ADAMTS16: variants seen among roughly 807,000 people sequenced by gnomAD.
The protein encoded by ADAMTS16 is ADAM metallopeptidase with thrombospondin type 1 motif 16.
Under a neutral mutation model 145.8 loss-of-function variants are expected in ADAMTS16, and 94 were observed. That is an observed-to-expected ratio of 0.64 (90% confidence interval 0.55 to 0.77). The LOEUF is 0.77. Ranked by LOEUF, ADAMTS16 falls within the 30% of genes least tolerant of loss-of-function variation. The pLI, the probability that ADAMTS16 is intolerant of heterozygous loss-of-function variation, is 0.00. For missense variants in ADAMTS16, 1,585 were observed against 1,591.5 expected (o/e 1.00, Z 0.07); for synonymous variants, 659 against 604.3 (o/e 1.09, Z -1.33).
intron 6 of ADAMTS16, among the ~76,000 whole-genome samples, chr5:5,188,755 G>A (rs1735578792): frequency 6.6e-6 from 1 of 152,190 alleles, no homozygotes; most frequent in South Asian, 2.1e-4. Flanking sequence ...GGGGGCATGT[G>A]TGGACAGGGC....
rs531409298 is a variant in ADAMTS16, at chr5:5,304,074, G to C, written c.3186+308G>C. ...TAGGGGTTCACTCATCTCACTGACAGCGGGGCCCTGGAGACTCACCTAACT... is the reference window on the plus strand; with the variant it reads ...TAGGGGTTCACTCATCTCACTGACACCGGGGCCCTGGAGACTCACCTAACT... On this transcript the variant is annotated intron_variant, in intron 20 of 22. Transcript: ENST00000274181. 1.2e-4 allele frequency among the ~76,000 whole-genome samples: 18 copies of C among 152,280 alleles called. No individual in the cohort carries two copies. The South Asian group carries it at 3.7e-3, about 32-fold the overall frequency.
chr5:5,247,699 T>C (rs1428477149), intron 17 of ADAMTS16, among the ~76,000 whole-genome samples: 1 of 152,192 alleles, frequency 6.6e-6, no homozygotes, highest in Admixed American at 6.5e-5. Context: ...CGTCTGCAAA[T>C]TTGGAGCCCT....
chr5:5,258,076 C>T (rs1033024108), intron 17 of ADAMTS16, among the ~76,000 whole-genome samples: 6 of 152,116 alleles, frequency 3.9e-5, no homozygotes, highest in Non-Finnish European at 4.4e-5. Flanking sequence ...GGATGTGCAC[C>T]CCCACCATGT....
chr5:5,163,509 T>C (rs1734792525), intron 3 of ADAMTS16, among the ~76,000 whole-genome samples: 2 of 152,204 alleles, frequency 1.3e-5, no homozygotes, highest in Non-Finnish European at 2.9e-5. Context: ...TGGTCAAATT[T>C]GGTAGCCACA....
chr5:5,159,884 A>G (rs1399102506), intron 3 of ADAMTS16, among the ~76,000 whole-genome samples: 1 of 152,250 alleles, frequency 6.6e-6, no homozygotes, highest in East Asian at 1.9e-4. Flanking sequence ...AGTGCCCAGA[A>G]TAACCAGCAT....
chr5:5,187,721 T>C lies in ADAMTS16; in HGVS notation c.964-4T>C. 13 of 1,606,374 alleles carry C rather than the reference T, an allele frequency of 8.1e-6. No individual in the cohort carries two copies. The highest frequency in any genetic ancestry group is 1.1e-5 in the Non-Finnish European group (13 of 1,173,498). On this transcript the variant is annotated splice_region_variant and splice_polypyrimidine_tract_variant and intron_variant, in intron 5 of 22. Coordinates refer to ENST00000274181, the MANE Select transcript of ADAMTS16 (RefSeq NM_139056.4). ...GGCTGACATGGATTTCCTGTCTTTTTCAGGTATCTGCTTTATTCAAAGATG... is the reference window on the plus strand; with the variant it reads ...GGCTGACATGGATTTCCTGTCTTTTCCAGGTATCTGCTTTATTCAAAGATG...
intron 2 of ADAMTS16, among the ~76,000 whole-genome samples, chr5:5,144,146 C>T (rs1002417962): frequency 6.6e-6 from 1 of 152,018 alleles, no homozygotes; most frequent in Non-Finnish European, 1.5e-5. Flanking sequence ...TCAATGGTCA[C>T]ATGCTCACTA....
chr5:5,238,696 C>T (rs770807126), intron 14 of ADAMTS16, among the ~76,000 whole-genome samples: 25 of 152,150 alleles, frequency 1.6e-4, no homozygotes, highest in Non-Finnish European at 2.8e-4. Context: ...AGTGAATAAA[C>T]ATGCCCTTTA....
At chr5:5,154,802 G>C (rs776246607) in intron 3 of ADAMTS16, among the ~76,000 whole-genome samples, 15 of 152,166 alleles carry the variant, frequency 9.9e-5, no homozygotes, top group African/African-American at 3.6e-4. Context: ...TCCATCCTCA[G>C]CCTCACAAAG....
At chr5:5,290,049 A>G (rs4385177) in intron 18 of ADAMTS16, among the ~76,000 whole-genome samples, 143,516 of 152,288 alleles carry the variant, frequency 0.94, 68,208 homozygotes, top group East Asian at 1. Flanking sequence ...AGTATCTTTC[A>G]TTGACTTAGA....
intron 18 of ADAMTS16, among the ~76,000 whole-genome samples, chr5:5,290,426 G>C (rs1681260859): frequency 6.6e-6 from 1 of 152,168 alleles, no homozygotes; most frequent in African/African-American, 2.4e-5. Context: ...AGGCCGAGAT[G>C]GGTGGATCAC....
At chr5:5,207,475 C>T (rs916807097) in intron 9 of ADAMTS16, among the ~76,000 whole-genome samples, 2 of 152,088 alleles carry the variant, frequency 1.3e-5, no homozygotes, top group Non-Finnish European at 2.9e-5. Flanking sequence ...ATCATGTCAT[C>T]TATGAACAAA....
chr5:5,294,843 G>T (rs1312498614), intron 18 of ADAMTS16, among the ~76,000 whole-genome samples: 1 of 152,210 alleles, frequency 6.6e-6, no homozygotes, highest in African/African-American at 2.4e-5. Flanking sequence ...AGGGTGCAAA[G>T]ATGGGGACCA....
chr5:5,316,208 G>A (rs1734050602), intron 21 of ADAMTS16, among the ~76,000 whole-genome samples: 2 of 152,290 alleles, frequency 1.3e-5, no homozygotes, highest in Admixed American at 1.3e-4. Context: ...TTGCTGGAAT[G>A]GTCTCTGACA....
rs752118719 is a variant in ADAMTS16 at position 5,186,076 on chromosome 5, A to C, written c.788A>C (p.Asp263Ala). ...GACATGCCCCAGCCTCCCAAGGAAGACCTCTTCATCTTGCCAGATGAGTAT... is the reference window on the plus strand; with the variant it reads ...GACATGCCCCAGCCTCCCAAGGAAGCCCTCTTCATCTTGCCAGATGAGTAT... ...KKYMPQPPKE[D>A]LFILPDEYKS... The change falls in exon 5 of 23, where the codon GAC becomes GCC. Residue 263 changes from aspartate (D) to alanine (A), a missense_variant. Physicochemically the swap from Asp to Ala is moderately radical, Grantham distance 126 (BLOSUM62 -2). Transcript: ENST00000274181. The C allele has an allele frequency of 3.1e-6, 5 of 1,613,810 alleles. No homozygotes were observed. Among genetic ancestry groups the C allele is most frequent in the Non-Finnish European group, 3.4e-6 (4 of 1,179,956 alleles).
intron 3 of ADAMTS16, among the ~76,000 whole-genome samples, chr5:5,164,833 C>T (rs560524175): frequency 2.0e-5 from 3 of 152,212 alleles, no homozygotes; most frequent in South Asian, 2.1e-4. Context: ...CCCGCCACCA[C>T]GCCCGGCTAA....
chr5:5,173,452 A>G (rs1233225643), intron 3 of ADAMTS16, among the ~76,000 whole-genome samples: 75 of 151,590 alleles, frequency 4.9e-4, no homozygotes, highest in Non-Finnish European at 1.8e-4. Context: ...TGAGCTTGCA[A>G]ATAATATCTT....
At chr5:5,234,597 C>CG (rs1737037809) in intron 12 of ADAMTS16, among the ~76,000 whole-genome samples, 1 of 152,132 alleles carries the variant, frequency 6.6e-6, no homozygotes, top group Non-Finnish European at 1.5e-5. Flanking sequence ...TCCAGCTGGG[C>CG]GTGGTGGCTT....
At chr5:5,170,392 A>T (rs911044155) in intron 3 of ADAMTS16, among the ~76,000 whole-genome samples, 22 of 151,408 alleles carry the variant, frequency 1.5e-4, no homozygotes, top group African/African-American at 5.1e-4. Flanking sequence ...TTATTTATTT[A>T]TTTAGAGACA....
Sources: allele counts gnomAD v4.1 joint callset (sites outside exome capture counted in the v4.1 genomes callset), GRCh38; gene constraint gnomAD v4.1.1; transcripts MANE v1.5; gene names NCBI Gene and HGNC (gene_info 2026-07-23, HGNC 2026-07-21).